ZNF618: variants seen among roughly 807,000 people sequenced by gnomAD.
ZNF618 encodes the protein neural precursor cell expressed, developmentally down-regulated 10.
ZNF618 carries 34 observed loss-of-function variants against 103.0 expected under a neutral mutation model. The observed-to-expected ratio is 0.33, with a 90% confidence interval of 0.25 to 0.44. The LOEUF is 0.44. Ranked by LOEUF, ZNF618 falls within the 20% of genes least tolerant of loss-of-function variation. The probability of loss-of-function intolerance (pLI) is 1.00; values close to 1 mark genes in which losing one functional copy is unlikely to be tolerated. For synonymous variants in ZNF618, 551 were observed against 542.2 expected, an observed-to-expected ratio of 1.02 and a Z score of -0.23; for missense variants, 1,059 against 1,295.4, an observed-to-expected ratio of 0.82 and a Z score of 2.80.
intron 1 of ZNF618, among the ~76,000 whole-genome samples, chr9:113,897,856 C>T (rs1830174436): frequency 6.6e-6 from 1 of 152,164 alleles, no homozygotes; most frequent in African/African-American, 2.4e-5. Flanking sequence ...TGTGGTGGCA[C>T]GATCTCGGCT....
chr9:113,959,119 G>A (rs751373998), intron 1 of ZNF618, among the ~76,000 whole-genome samples: 9 of 151,920 alleles, frequency 5.9e-5, no homozygotes, highest in African/African-American at 1.5e-4. Flanking sequence ...GTGAAACCTC[G>A]TCTCTACTAA....
chr9:114,003,363 C>T (rs978219433), intron 6 of ZNF618, among the ~76,000 whole-genome samples: 5 of 152,352 alleles, frequency 3.3e-5, no homozygotes, highest in African/African-American at 9.6e-5. Flanking sequence ...CACAGTTCCA[C>T]GTGTAGGTAT....
intron 13 of ZNF618, among the ~76,000 whole-genome samples, chr9:114,045,254 G>A (rs1845556034): frequency 6.6e-6 from 1 of 151,928 alleles, no homozygotes; most frequent in Non-Finnish European, 1.5e-5. Context: ...TCATATCCAG[G>A]CAGTGGTGTC....
chr9:113,972,340 T>G (rs1838049609), intron 2 of ZNF618, among the ~76,000 whole-genome samples: 2 of 152,186 alleles, frequency 1.3e-5, no homozygotes, highest in South Asian at 4.1e-4. Flanking sequence ...GGAGCCACCA[T>G]GCCCACCCTT....
chr9:114,033,197 G>T (rs1215752684), intron 12 of ZNF618, among the ~76,000 whole-genome samples: 1 of 152,156 alleles, frequency 6.6e-6, no homozygotes, highest in East Asian at 1.9e-4. Context: ...GTCACTTGAG[G>T]TCAGGAGTTC....
rs1843733370 is a variant in ZNF618 at position 114,028,744 on chromosome 9, G to A, written c.856G>A (p.Gly286Arg). The change falls in exon 11 of 15, where the codon GGG becomes AGG. Residue 286 changes from glycine (G) to arginine (R), a missense_variant. Gly to Arg is a moderately radical substitution (Grantham distance 125). Around this residue, in one of 6 missense-constraint regions of ZNF618, gnomAD observed 434 missense variants for 476.0 expected, o/e 0.91. Coordinates refer to ENST00000374126, the MANE Select transcript of ZNF618 (RefSeq NM_001318042.2). ...CGTGACCCTCTCAGGTACTGCCCCC[G>A]GGTGGGAGCCACCGGATGATCCAGA... ...ALHAPISTAPGWEPPDDPDTG... is the reference protein window; with the variant it reads ...ALHAPISTAPRWEPPDDPDTG... The A allele has an allele frequency of 1.3e-6, 2 of 1,550,278 alleles. No individual in the cohort carries two copies. Among genetic ancestry groups the A allele is most frequent in the Non-Finnish European group, 1.7e-6 (2 of 1,146,894 alleles).
chr9:113,881,827 C>T (rs1828556289), intron 1 of ZNF618, among the ~76,000 whole-genome samples: 1 of 152,116 alleles, frequency 6.6e-6, no homozygotes, highest in African/African-American at 2.4e-5. Flanking sequence ...CTAGAGTAGC[C>T]CACATTTCCC....
intron 1 of ZNF618, among the ~76,000 whole-genome samples, chr9:113,906,483 G>T (rs1831001992): frequency 6.6e-6 from 1 of 152,188 alleles, no homozygotes; most frequent in Non-Finnish European, 1.5e-5. Flanking sequence ...GCAAGTGGGG[G>T]TGGCTGGGGA....
At chr9:113,926,851 A>G (rs1478271636) in intron 1 of ZNF618, among the ~76,000 whole-genome samples, 2 of 152,172 alleles carry the variant, frequency 1.3e-5, no homozygotes, top group East Asian at 3.9e-4. Flanking sequence ...TGTCTTTACA[A>G]AAAATACAAA....
Position 114,056,555 on chromosome 9 carries a change from G to T in ZNF618, c.*6388G>T, listed in dbSNP as rs1031572703. On this transcript the variant is annotated 3_prime_UTR_variant, in exon 15 of 15. Transcript: ENST00000374126. ...GTTGCTTAAATGATTTCATGTCAGT[G>T]TTGTATTTATGGTTTTACAATAAAA... is the stretch of plus-strand genomic sequence containing the variant. 1 of 152,236 alleles carries T rather than the reference G, an allele frequency of 6.6e-6. No homozygotes were observed. Among genetic ancestry groups the T allele is most frequent in the Non-Finnish European group, 1.5e-5 (1 of 68,034 alleles). The allele number at this position is 152,236 out of a possible 1,614,324, so 9.4% of individuals were successfully genotyped here. A position where few individuals can be genotyped will look rare whatever the true frequency, so the allele number is the denominator to read the frequency against.
intron 12 of ZNF618, 32 bp downstream of exon 12, chr9:114,032,760 G>A (rs758813550): frequency 6.9e-6 from 11 of 1,604,236 alleles, no homozygotes; most frequent in Admixed American, 1.7e-5. Flanking sequence ...CATCCTGTGC[G>A]GTAGCTGCCA....
chr9:113,998,610 A>G (rs371573887), intron 4 of ZNF618, among the ~76,000 whole-genome samples: 8 of 152,244 alleles, frequency 5.3e-5, no homozygotes, highest in Admixed American at 2.6e-4. Context: ...GCATTTTGGC[A>G]GCACTTCCTA....
At chr9:113,970,507 C>T (rs1000015881) in intron 2 of ZNF618, among the ~76,000 whole-genome samples, 1 of 152,026 alleles carries the variant, frequency 6.6e-6, no homozygotes, top group Non-Finnish European at 1.5e-5. Flanking sequence ...CTCAACTCTG[C>T]CAGTATAATG....
intron 2 of ZNF618, among the ~76,000 whole-genome samples, chr9:113,985,101 T>C (rs1839340838): frequency 6.6e-6 from 1 of 152,260 alleles, no homozygotes; most frequent in African/African-American, 2.4e-5. Flanking sequence ...AGGTCCTACG[T>C]AGACATTACT....
chr9:114,039,340 GTT>G (rs968810244), intron 13 of ZNF618, among the ~76,000 whole-genome samples: 4 of 104,758 alleles, frequency 3.8e-5, no homozygotes, highest in African/African-American at 6.6e-5. Flanking sequence ...TTTCTTGTTT[GTT>G]TTTTTTTTTT....
At chr9:114,014,894 T>C (rs184474302) in intron 9 of ZNF618, among the ~76,000 whole-genome samples, 229 of 152,334 alleles carry the variant, frequency 1.5e-3, no homozygotes, top group Admixed American at 0.013. Context: ...AATAGTTTTA[T>C]GTTACTAAAT....
chr9:114,040,481 T>TC (rs1220942630), intron 13 of ZNF618, among the ~76,000 whole-genome samples: 1 of 151,840 alleles, frequency 6.6e-6, no homozygotes, highest in African/African-American at 2.4e-5. Flanking sequence ...AATGCTATCC[T>TC]CCCCCCACCC....
chr9:113,885,393 C>T (rs1828966585), intron 1 of ZNF618, among the ~76,000 whole-genome samples: 1 of 152,200 alleles, frequency 6.6e-6, no homozygotes, highest in Non-Finnish European at 1.5e-5. Context: ...TTTTTAAATA[C>T]ACGTTACTTT....
intron 13 of ZNF618, among the ~76,000 whole-genome samples, chr9:114,040,453 A>AG (rs1845051890): frequency 6.6e-6 from 1 of 151,566 alleles, no homozygotes; most frequent in Admixed American, 6.6e-5. Flanking sequence ...CTCGTCATTT[A>AG]CATTAGGTAT....
Sources: gnomAD v4.1 joint callset for allele counts (sites outside exome capture counted in the v4.1 genomes callset) on GRCh38, gnomAD v4.1.1 for gene constraint, gnomAD v4.1.1 regional missense constraint, MANE v1.5 for transcripts, NCBI Gene and HGNC (gene_info 2026-07-23, HGNC 2026-07-21) for gene names.